Variants in BCAS3 observed in about 807,000 individuals in gnomAD.
The protein encoded by BCAS3 is BCAS3 microtubule associated cell migration factor, also known as BCAS4/BCAS3 fusion.
A neutral mutation model predicts 116.1 loss-of-function variants in BCAS3; 53 were observed. That is an observed-to-expected ratio of 0.46 (90% confidence interval 0.37 to 0.57). The LOEUF (loss-of-function observed/expected upper bound fraction) is 0.57, where lower values mean the gene tolerates loss of function less well. Among genes scored for constraint, BCAS3 ranks in the 20% least tolerant of loss-of-function variants. The pLI is 0.00. For missense variants in BCAS3, 917 were observed against 1,165.4 expected (o/e 0.79, Z 3.10); for synonymous variants, 391 against 408.2 (o/e 0.96, Z 0.51).
rs531649052 is a variant in BCAS3 at position 61,265,487 on chromosome 17, G to A, written c.2426-102840G>A. Among the ~76,000 whole-genome samples, 1 of 151,814 alleles carries A rather than the reference G, an allele frequency of 6.6e-6. No individual in the cohort carries two copies. The highest frequency in any genetic ancestry group is 2.1e-4 in the South Asian group (1 of 4,794). ...TTCCCTTCCTTCCCCTCTTATACAA[G>A]GAAGAAAAAAGACGAATCAACATCT... On this transcript the variant is annotated intron_variant, in intron 22 of 23. Transcript: ENST00000407086. The surrounding 1 kb of genome is among the most constrained non-coding windows in gnomAD (Gnocchi z 4.3).
rs112929583 is a variant in BCAS3, at chr17:61,244,867, A to T, written c.2426-123460A>T. 0.068 allele frequency among the ~76,000 whole-genome samples: 10,366 copies of T among 152,280 alleles called. 415 individuals are homozygous for T. The highest frequency in any genetic ancestry group is 0.13 in the Middle Eastern group (37 of 294). Reference sequence around the variant, plus strand: ...AACAGAGTGAGACTCCGTCTCAAAAAAAATAAATAAATAAAAAAGGATATA... The same window carrying T: ...AACAGAGTGAGACTCCGTCTCAAAATAAATAAATAAATAAAAAAGGATATA... On this transcript the variant is annotated intron_variant, in intron 22 of 23. Coordinates refer to ENST00000407086, the MANE Select transcript of BCAS3 (RefSeq NM_017679.5). This position sits in a 1 kb window ranked among gnomAD's most constrained non-coding sequence, Gnocchi z 4.9.
chr17:61,238,565 C>T (rs887952529), intron 22 of BCAS3, among the ~76,000 whole-genome samples: 1 of 152,018 alleles, frequency 6.6e-6, no homozygotes, highest in African/African-American at 2.4e-5. Flanking sequence ...ATGAGATAAT[C>T]TGCCCTCATA....
chr17:60,913,379 G>A (rs1413050193), intron 12 of BCAS3, among the ~76,000 whole-genome samples: 1 of 152,020 alleles, frequency 6.6e-6, no homozygotes, highest in African/African-American at 2.4e-5. Flanking sequence ...TCAATAAAAG[G>A]TGAGTTAGTG....
At position 61,008,297 on chromosome 17, in the gene BCAS3, A is replaced by G. The variant is rs554395830; in HGVS notation, c.1487-7454A>G. Among the ~76,000 whole-genome samples, 21 of 152,188 alleles carry G rather than the reference A, an allele frequency of 1.4e-4. No homozygotes were observed. The South Asian group carries it at 3.1e-3, about 23-fold the overall frequency. The stretch of plus-strand genomic sequence containing the variant: ...GCTGGGAAGCTTGACATTCTCATCT[A>G]GGAAAGGGGAGAAGAGAGAGATGGA... On this transcript the variant is annotated intron_variant, in intron 15 of 23. Transcript: ENST00000407086. This position sits in a 1 kb window ranked among gnomAD's most constrained non-coding sequence, Gnocchi z 4.6.
At position 61,324,419 on chromosome 17, in the gene BCAS3, C is replaced by T. The variant is rs151157264; in HGVS notation, c.2426-43908C>T. Among the ~76,000 whole-genome samples the T allele has an allele frequency of 2.3e-3, 346 of 152,208 alleles. 6 individuals are homozygous for T. Among genetic ancestry groups the T allele is most frequent in the African/African-American group, 8.1e-3 (335 of 41,526 alleles). On this transcript the variant is annotated intron_variant, in intron 22 of 23. Coordinates refer to ENST00000407086, the MANE Select transcript of BCAS3 (RefSeq NM_017679.5). The surrounding 1 kb of genome is among the most constrained non-coding windows in gnomAD (Gnocchi z 4.6). ...AGGGCAGGGCAGGGAGAGGCTGCCC[C>T]GAGTATGTGTGGTAGTATTAATATA...
intron 14 of BCAS3, among the ~76,000 whole-genome samples, chr17:60,987,423 C>T (rs1028799420): frequency 6.6e-6 from 1 of 151,682 alleles, no homozygotes; most frequent in Non-Finnish European, 1.5e-5. Flanking sequence ...CTGTAGATTG[C>T]TTAGGGTAGT....
At chr17:61,052,967 T>C (rs1056673087) in intron 19 of BCAS3, among the ~76,000 whole-genome samples, 1 of 152,050 alleles carries the variant, frequency 6.6e-6, no homozygotes, top group African/African-American at 2.4e-5. Context: ...TCTGCCCGCC[T>C]CGGCCTCCCA....
In BCAS3 at chr17:61,346,544, A is replaced by G. The variant is rs551229708; in HGVS notation, c.2426-21783A>G. 3.3e-5 allele frequency among the ~76,000 whole-genome samples: 5 copies of G among 152,292 alleles called. No individual in the cohort carries two copies. In the South Asian group the frequency reaches 1.0e-3, roughly 32 times the overall value. ...ATCAGGTGCTGTGCTGAGCATGTTC[A>G]TTGAAGTCTTACTATTTTTAGTATT... On this transcript the variant is annotated intron_variant, in intron 22 of 23. Transcript: ENST00000407086. This position sits in a 1 kb window ranked among gnomAD's most constrained non-coding sequence, Gnocchi z 5.4.
chr17:60,914,185 C>T (rs2058659639), intron 12 of BCAS3, among the ~76,000 whole-genome samples: 1 of 152,104 alleles, frequency 6.6e-6, no homozygotes, highest in South Asian at 2.1e-4. Context: ...AGAGTTCATC[C>T]TACTGTGATA....
intron 5 of BCAS3, among the ~76,000 whole-genome samples, chr17:60,722,663 A>G (rs1167540217): frequency 3.3e-5 from 5 of 151,564 alleles, no homozygotes; most frequent in African/African-American, 1.2e-4. Flanking sequence ...TTGGAGGCTG[A>G]GGCAGGAGAA....
chr17:61,042,891 C>CAAAAAA (rs35629825), intron 19 of BCAS3, among the ~76,000 whole-genome samples: 2,324 of 58,140 alleles, frequency 0.04, 306 homozygotes, highest in African/African-American at 0.12. Context: ...CTCCATCTCA[C>CAAAAAA]AAAAAAAAAA....
At chr17:61,350,543 T>C (rs1264957759) in intron 22 of BCAS3, among the ~76,000 whole-genome samples, 1 of 152,170 alleles carries the variant, frequency 6.6e-6, no homozygotes, top group African/African-American at 2.4e-5. Flanking sequence ...CCTGCAGCAT[T>C]ATTCACAAAG....
In BCAS3 at chr17:61,065,826, G is replaced by A. The variant is rs988180211; in HGVS notation, c.2030-9094G>A. Among the ~76,000 whole-genome samples, 3 of 152,066 alleles carry A rather than the reference G, an allele frequency of 2.0e-5. No individual in the cohort carries two copies. Among genetic ancestry groups the A allele is most frequent in the African/African-American group, 7.2e-5 (3 of 41,404 alleles). ...CTCACTTGTCCAGATAAGAGCTTTT[G>A]GGTCCATCTTTGATTTTTCACTTAT... On this transcript the variant is annotated intron_variant, in intron 19 of 23. Coordinates refer to ENST00000407086, the MANE Select transcript of BCAS3 (RefSeq NM_017679.5). The surrounding 1 kb of genome is among the most constrained non-coding windows in gnomAD (Gnocchi z 4.8).
At chr17:61,163,396 C>T (rs919468108) in intron 22 of BCAS3, among the ~76,000 whole-genome samples, 6 of 151,470 alleles carry the variant, frequency 4.0e-5, no homozygotes, top group African/African-American at 1.5e-4. Context: ...TGCATTCCAG[C>T]CTGGGCGACA....
At chr17:60,790,273 G>A (rs905209291) in intron 6 of BCAS3, among the ~76,000 whole-genome samples, 2 of 152,066 alleles carry the variant, frequency 1.3e-5, no homozygotes, top group South Asian at 4.2e-4. Flanking sequence ...CAACATTCTT[G>A]CCAGTATTAT....
rs570211446 is a variant in BCAS3, at chr17:61,356,642, A to C, written c.2426-11685A>C. ...CCTAGGAAGCCGGGCCTGTTTATCC[A>C]GAGGTTAGTTGTAGGCAGGGGAGAC... On this transcript the variant is annotated intron_variant, in intron 22 of 23. Transcript: ENST00000407086. This position sits in a 1 kb window ranked among gnomAD's most constrained non-coding sequence, Gnocchi z 5.4. Among the ~76,000 whole-genome samples the C allele has an allele frequency of 6.6e-6, 1 of 152,194 alleles. No individual in the cohort carries two copies. Among genetic ancestry groups the C allele is most frequent in the African/African-American group, 2.4e-5 (1 of 41,452 alleles).
At chr17:60,882,063 T>C (rs1400341479) in intron 9 of BCAS3, among the ~76,000 whole-genome samples, 5 of 148,364 alleles carry the variant, frequency 3.4e-5, no homozygotes, top group Middle Eastern at 3.5e-3. Flanking sequence ...ACCAACAGTG[T>C]AAAAGTGTTC....
intron 15 of BCAS3, among the ~76,000 whole-genome samples, chr17:60,997,929 TC>T (rs1183851198): frequency 1.3e-5 from 2 of 152,186 alleles, no homozygotes; most frequent in African/African-American, 2.4e-5. Flanking sequence ...AGGTTGGACT[TC>T]CATTGATTCC....
In BCAS3 at chr17:60,739,882, TG is replaced by T. The variant is rs201291329; in HGVS notation, c.322-7315del. On this transcript the variant is annotated intron_variant, in intron 5 of 23. Transcript: ENST00000407086. Reference sequence around the variant, plus strand: ...TAGAGGTTGCTGTTTTTTTTGTTTTTGTTTTTTTTTTTCCACACAACACTCT... The same window carrying T: ...TAGAGGTTGCTGTTTTTTTTGTTTTTTTTTTTTTTTTCCACACAACACTCT... Among the ~76,000 whole-genome samples, 65 of 151,930 alleles carry T rather than the reference TG, an allele frequency of 4.3e-4. 1 individual carries two copies. The highest frequency in any genetic ancestry group is 1.9e-3 in the Admixed American group (29 of 15,278).
Sources: allele counts gnomAD v4.1 joint callset (sites outside exome capture counted in the v4.1 genomes callset), GRCh38; gene constraint gnomAD v4.1.1; non-coding constraint Gnocchi (gnomAD v3.1); transcripts MANE v1.5; gene names NCBI Gene and HGNC (gene_info 2026-07-23, HGNC 2026-07-21).